The following TFRC variants were observed in gnomAD, a reference collection of about 807,000 sequenced individuals.
TFRC encodes the protein transferrin receptor.
Under a neutral mutation model 85.8 loss-of-function variants are expected in TFRC, and 35 were observed. The observed-to-expected ratio is 0.41, with a 90% CI of 0.31 to 0.54. The LOEUF (loss-of-function observed/expected upper bound fraction) is 0.54. Among genes scored for constraint, TFRC ranks in the 20% least tolerant of loss-of-function variants. The pLI is 0.31. For synonymous variants in TFRC, 362 were observed against 328.6 expected, an observed-to-expected ratio of 1.10 and a Z score of -1.10; for missense variants, 828 against 921.5, an observed-to-expected ratio of 0.90 and a Z score of 1.31.
intron 16 of TFRC, among the ~76,000 whole-genome samples, chr3:196,057,796 A>AC (rs1716934615): frequency 6.7e-6 from 1 of 148,470 alleles, no homozygotes; most frequent in African/African-American, 2.6e-5. Context: ...AAAAAAAAAA[A>AC]AACAAAACAA....
chr3:196,058,793 G>T, intron 14 of TFRC, 161 bp from the exon 15 acceptor site: 3 of 434,932 alleles, frequency 6.9e-6, no homozygotes, highest in South Asian at 4.1e-5. Flanking sequence ...TCAACTTTAA[G>T]TTATTACTAA....
intron 11 of TFRC, 89 bp from the exon 12 acceptor site, chr3:196,063,028 C>A: frequency 1.0e-6 from 1 of 1,002,526 alleles, no homozygotes. Flanking sequence ...ATCAGAAGGT[C>A]TAATTCCAAG....
chr3:196,063,279 A>C, intron 11 of TFRC: 1 of 185,768 alleles, frequency 5.4e-6, no homozygotes, highest in Non-Finnish European at 1.1e-5. Context: ...GAGATCATTG[A>C]AAACAGTGTA....
At position 196,067,550 on chromosome 3, in the gene TFRC, T is replaced by C. The variant is rs764959108; in HGVS notation, c.1008A>G (p.Thr336=). ...GCTTTTCTGCAGCAGCTCTGGAGAT[T>C]GTCTGGACAGGTATATTAGGCAATC... is the stretch of plus-strand genomic sequence containing the variant. ...SSGLPNIPVQ[T]ISRAAAEKLF... Residue 336 remains threonine (T), a synonymous_variant, in exon 9 of 19, where the codon ACA becomes ACG. Coordinates refer to ENST00000360110, the MANE Select transcript of TFRC (RefSeq NM_001128148.3). 2.0e-5 allele frequency: 33 copies of C among 1,614,110 alleles called. No individual in the cohort carries two copies. Among genetic ancestry groups the C allele is most frequent in the Non-Finnish European group, 2.8e-5 (33 of 1,179,988 alleles).
chr3:196,070,295 G>C (rs41301389), intron 6 of TFRC, among the ~76,000 whole-genome samples: 1 of 146,952 alleles, frequency 6.8e-6, no homozygotes, highest in Non-Finnish European at 1.5e-5. Context: ...ATGGAATTTC[G>C]CTTTTGTTGC....
rs1250926932 is a variant in TFRC at position 196,071,461 on chromosome 3, T to C, written c.622A>G (p.Arg208Gly). 6.2e-7 allele frequency: 1 copy of C among 1,614,118 alleles called. No homozygotes were observed. Among genetic ancestry groups the C allele is most frequent in the Non-Finnish European group, 8.5e-7 (1 of 1,179,992 alleles). ...GGATTCTCCACCAGGTAAACAAGTC[T>C]ACCGTTCTTATCAACTATGATCACC... The part of the protein sequence containing the change: ...NSVIIVDKNG[R>G]LVYLVENPGG... Residue 208 changes from arginine to glycine, a missense_variant, in exon 6 of 19, where the codon AGA (arginine) becomes GGA (glycine). Coordinates refer to ENST00000360110, the MANE Select transcript of TFRC (RefSeq NM_001128148.3).
chr3:196,052,188 C>T lies in TFRC; in HGVS notation c.2041-4G>A, dbSNP rs182030065. On this transcript the variant is annotated splice_polypyrimidine_tract_variant and splice_region_variant and intron_variant, in intron 18 of 18. Transcript: ENST00000360110. ...GAGAGAGGAAGTGATACTCCACCTA[C>T]GAAAACAACACACAAGGCAATTTAC... is the stretch of plus-strand genomic sequence containing the variant. The T allele has an allele frequency of 3.2e-5, 52 of 1,612,022 alleles. No homozygotes were observed. Among genetic ancestry groups the T allele is most frequent in the Admixed American group, 1.0e-4 (6 of 59,850 alleles).
In TFRC at chr3:196,067,511, A is replaced by G; in HGVS notation, c.1040+7T>C. 1 of 1,613,006 alleles carries G rather than the reference A, an allele frequency of 6.2e-7. No individual in the cohort carries two copies. The highest frequency in any genetic ancestry group is 8.5e-7 in the Non-Finnish European group (1 of 1,179,516). On this transcript the variant is annotated splice_region_variant and intron_variant, in intron 9 of 18. Transcript: ENST00000360110. ...CTATGCAAGACCGCTTTCAAATAAAAACTTACCCAAACAGCTTTTCTGCAG... is the reference window on the plus strand; with the variant it reads ...CTATGCAAGACCGCTTTCAAATAAAGACTTACCCAAACAGCTTTTCTGCAG...
chr3:196,064,342 G>A lies in TFRC; in HGVS notation c.1285C>T (p.Leu429Phe), dbSNP rs1717533025. 2 of 1,613,294 alleles carry A rather than the reference G, an allele frequency of 1.2e-6. No homozygotes were observed. The highest frequency in any genetic ancestry group is 1.7e-6 in the Non-Finnish European group (2 of 1,179,812). The change falls in exon 11 of 19, where the codon CTT (leucine) becomes TTT (phenylalanine). Residue 429 changes from leucine to phenylalanine, a missense_variant. Coordinates refer to ENST00000360110, the MANE Select transcript of TFRC (RefSeq NM_001128148.3). Reference sequence around the variant, plus strand: ...ACCATATCTGAGAACATCTGGGCAAGTTTCAATAGGAGAGCTGTGCCTACA... The same window carrying A: ...ACCATATCTGAGAACATCTGGGCAAATTTCAATAGGAGAGCTGTGCCTACA... ...SGVGTALLLKLAQMFSDMVLK... is the reference protein window; with the variant it reads ...SGVGTALLLKFAQMFSDMVLK...
At chr3:196,080,502 G>A (rs2108661950) in intron 1 of TFRC, among the ~76,000 whole-genome samples, 1 of 152,356 alleles carries the variant, frequency 6.6e-6, no homozygotes, top group African/African-American at 2.4e-5. Flanking sequence ...GCCTCCCAAA[G>A]TGCTGGGATT....
chr3:196,071,611 T>C lies in TFRC; in HGVS notation c.585-113A>G. Reference sequence around the variant, plus strand: ...GCTTGAGGAAATTTACCTCTAAATCTTAAGCTTGATTTTTATTTTAAAAGC... The same window carrying C: ...GCTTGAGGAAATTTACCTCTAAATCCTAAGCTTGATTTTTATTTTAAAAGC... On this transcript the variant is annotated intron_variant, in intron 5 of 18. Coordinates refer to ENST00000360110, the MANE Select transcript of TFRC (RefSeq NM_001128148.3). 5 of 1,064,410 alleles carry C rather than the reference T, an allele frequency of 4.7e-6. No homozygotes were observed. In the South Asian group the frequency reaches 7.1e-5, roughly 15 times the overall value. The allele number at this position is 1,064,410 out of a possible 1,614,324, so 65.9% of individuals were successfully genotyped here.
chr3:196,052,273 T>A, intron 18 of TFRC, 89 bp from the exon 19 acceptor site: 1 of 1,241,398 alleles, frequency 8.1e-7, no homozygotes, highest in Non-Finnish European at 1.1e-6. Context: ...ATGTCCCAAA[T>A]TTAAGAATGC....
chr3:196,077,884 A>G (rs1560092632), intron 1 of TFRC, among the ~76,000 whole-genome samples: 1 of 152,228 alleles, frequency 6.6e-6, no homozygotes, highest in Admixed American at 6.5e-5. Context: ...CTGAATGAAT[A>G]GTTCCTACAA....
At chr3:196,057,049 T>C (rs1051798773) in intron 16 of TFRC, among the ~76,000 whole-genome samples, 1 of 152,172 alleles carries the variant, frequency 6.6e-6, no homozygotes, top group African/African-American at 2.4e-5. Context: ...CTCAAACTCC[T>C]GACTTCGTAA....
At chr3:196,056,221 T>C (rs1328623023) in intron 16 of TFRC, among the ~76,000 whole-genome samples, 1 of 152,080 alleles carries the variant, frequency 6.6e-6, no homozygotes, top group African/African-American at 2.4e-5. Flanking sequence ...TGTAGAGATA[T>C]AGTCTAGGCA....
At chr3:196,074,836 G>A (rs955608868) in intron 3 of TFRC, among the ~76,000 whole-genome samples, 8 of 139,332 alleles carry the variant, frequency 5.7e-5, no homozygotes, top group Non-Finnish European at 9.0e-5. Context: ...CCGAAATCAC[G>A]CCACTGCACT....
chr3:196,068,484 G>A lies in TFRC; in HGVS notation c.802-354C>T, dbSNP rs553341668. Among the ~76,000 whole-genome samples the A allele has an allele frequency of 1.8e-3, 277 of 151,756 alleles. 1 individual carries two copies. Among genetic ancestry groups the A allele is most frequent in the African/African-American group, 6.4e-3 (263 of 41,358 alleles). ...AAATTAACTGGGCGCAGTGGCTGGC[G>A]CCTGTATTCCCAGCTATTTGGGAAG... On this transcript the variant is annotated intron_variant, in intron 7 of 18. Coordinates refer to ENST00000360110, the MANE Select transcript of TFRC (RefSeq NM_001128148.3).
At chr3:196,081,575 C>T (rs1273844789) in intron 1 of TFRC, among the ~76,000 whole-genome samples, 3 of 152,186 alleles carry the variant, frequency 2.0e-5, no homozygotes, top group Non-Finnish European at 2.9e-5. Context: ...CGCCGCACGC[C>T]GCGCAGCTGC....
chr3:196,073,787 C>T, intron 4 of TFRC, 143 bp downstream of exon 4: 2 of 813,452 alleles, frequency 2.5e-6, no homozygotes, highest in South Asian at 2.6e-5. Flanking sequence ...TTTTACAGGC[C>T]CCTTCCCCTC....
Sources: gnomAD v4.1 joint callset for allele counts (sites outside exome capture counted in the v4.1 genomes callset) on GRCh38, gnomAD v4.1.1 for gene constraint, MANE v1.5 for transcripts, NCBI Gene and HGNC (gene_info 2026-07-23, HGNC 2026-07-21) for gene names.